Variants in ARL8B observed in about 807,000 individuals in gnomAD.
ARL8B encodes the protein ADP-ribosylation factor-like protein 8B.
ARL8B carries 9 observed loss-of-function variants against 30.6 expected under a neutral mutation model. The observed-to-expected ratio is 0.29, with a 90% CI of 0.18 to 0.51. The LOEUF (loss-of-function observed/expected upper bound fraction) is 0.51, where lower values mean the gene tolerates loss of function less well. Among genes scored for constraint, ARL8B ranks in the 20% least tolerant of loss-of-function variants. The pLI is 0.97. For synonymous variants in ARL8B, 74 were observed against 76.0 expected (o/e 0.97, Z 0.14); for missense variants, 130 against 227.2 (o/e 0.57, Z 2.75).
intron 1 of ARL8B, among the ~76,000 whole-genome samples, chr3:5,135,690 G>A (rs564687109): frequency 2.6e-5 from 4 of 151,630 alleles, no homozygotes; most frequent in Middle Eastern, 3.4e-3. Context: ...AACTCCTGAC[G>A]TTGTGATCTG....
chr3:5,163,096 T>A (rs2054595821), intron 1 of ARL8B, among the ~76,000 whole-genome samples: 1 of 151,716 alleles, frequency 6.6e-6, no homozygotes, highest in African/African-American at 2.4e-5. Context: ...GAAGTGATTC[T>A]CCTACCTCCA....
chr3:5,141,856 A>G (rs948942035), intron 1 of ARL8B, among the ~76,000 whole-genome samples: 1 of 152,210 alleles, frequency 6.6e-6, no homozygotes, highest in African/African-American at 2.4e-5. Flanking sequence ...AGTATAATTG[A>G]TGAATCTTTG....
chr3:5,157,354 T>C (rs1023596714), intron 1 of ARL8B, among the ~76,000 whole-genome samples: 2 of 152,186 alleles, frequency 1.3e-5, no homozygotes, highest in African/African-American at 4.8e-5. Flanking sequence ...TGAGTTTCCT[T>C]GATACTGTCT....
At position 5,126,818 on chromosome 3, in the gene ARL8B, T is replaced by C. The variant is rs376588515; in HGVS notation, c.123+4230T>C. Among the ~76,000 whole-genome samples the C allele has an allele frequency of 5.3e-5, 8 of 152,344 alleles. No individual in the cohort carries two copies. In the East Asian group the frequency reaches 1.2e-3, roughly 22 times the overall value. The stretch of plus-strand genomic sequence containing the variant: ...CCATTGCTAACTGTTCTGGCAGTTA[T>C]TGCACAATAAGTCATGTGCCTATAT... On this transcript the variant is annotated intron_variant, in intron 1 of 6. Transcript: ENST00000256496.
At chr3:5,171,667 A>C (rs572476918) in intron 2 of ARL8B, among the ~76,000 whole-genome samples, 1 of 152,340 alleles carries the variant, frequency 6.6e-6, no homozygotes, top group African/African-American at 2.4e-5. Context: ...TTATACAAGA[A>C]AAACACCTAT....
In ARL8B at chr3:5,180,842, AATCAG is replaced by A. The variant is rs2054772048; in HGVS notation, c.*2135_*2139del. 6.6e-6 allele frequency: 1 copy of A among 152,614 alleles called. No homozygotes were observed. The highest frequency in any genetic ancestry group is 2.4e-5 in the African/African-American group (1 of 41,422). The allele number at this position is 152,614 out of a possible 1,614,324, so 9.5% of individuals were successfully genotyped here. On this transcript the variant is annotated 3_prime_UTR_variant, in exon 7 of 7. Transcript: ENST00000256496. ...GAGGGTCTATAGACCATTTGTCAGA[AATCAG>A]ATCAGCCCTCAAAGAATGGGGTCTG...
chr3:5,151,723 C>G (rs1156361862), intron 1 of ARL8B, among the ~76,000 whole-genome samples: 2 of 118,778 alleles, frequency 1.7e-5, no homozygotes, highest in East Asian at 2.4e-4. Context: ...CTCCCCCCAC[C>G]CCCCCCCTTG....
chr3:5,123,023 G>A (rs935034774), intron 1 of ARL8B, among the ~76,000 whole-genome samples: 33 of 152,156 alleles, frequency 2.2e-4, no homozygotes, highest in Non-Finnish European at 8.8e-5. Flanking sequence ...AGCATTAAGA[G>A]CCTCTCTTAA....
At chr3:5,158,173 A>G (rs60724392) in intron 1 of ARL8B, among the ~76,000 whole-genome samples, 57,148 of 151,918 alleles carry the variant, frequency 0.38, 11,941 homozygotes, top group African/African-American at 0.58. Flanking sequence ...TAGTAGAGGT[A>G]GGGTTTCACT....
intron 1 of ARL8B, among the ~76,000 whole-genome samples, chr3:5,129,287 G>GC (rs1326053917): frequency 3.9e-5 from 6 of 152,178 alleles, no homozygotes; most frequent in African/African-American, 1.4e-4. Flanking sequence ...CAATTCTCCT[G>GC]CCTCAGCTTC....
At chr3:5,123,088 C>T (rs1328676994) in intron 1 of ARL8B, among the ~76,000 whole-genome samples, 1 of 152,162 alleles carries the variant, frequency 6.6e-6, no homozygotes, top group East Asian at 1.9e-4. Flanking sequence ...AGTGTGAGCG[C>T]CTTCCTGAAT....
chr3:5,136,458 A>C (rs2054326557), intron 1 of ARL8B, among the ~76,000 whole-genome samples: 1 of 152,128 alleles, frequency 6.6e-6, no homozygotes, highest in African/African-American at 2.4e-5. Flanking sequence ...ACTCCTGATA[A>C]ATCTAATTCT....
At chr3:5,173,284 C>A (rs1263536870) in intron 4 of ARL8B, among the ~76,000 whole-genome samples, 1 of 152,104 alleles carries the variant, frequency 6.6e-6, no homozygotes, top group African/African-American at 2.4e-5. Context: ...AAGTGGGAAA[C>A]TGAGAAGAGG....
intron 1 of ARL8B, among the ~76,000 whole-genome samples, chr3:5,155,935 C>T (rs1400869435): frequency 1.3e-5 from 2 of 151,148 alleles, no homozygotes; most frequent in Non-Finnish European, 2.9e-5. Context: ...CAGGGTCTTG[C>T]TCTGTCACCT....
Position 5,136,318 on chromosome 3 carries a change from T to C in ARL8B, c.123+13730T>C, listed in dbSNP as rs915668139. ...TTATGTAAGATAAACAAAGATTAAG[T>C]GACACAGTTAATTGTCATTTGGGTC... On this transcript the variant is annotated intron_variant, in intron 1 of 6. Coordinates refer to ENST00000256496, the MANE Select transcript of ARL8B (RefSeq NM_018184.3). Among the ~76,000 whole-genome samples, 78 of 152,234 alleles carry C rather than the reference T, an allele frequency of 5.1e-4. 4 individuals are homozygous for C. The highest frequency in any genetic ancestry group is 1.5e-5 in the Non-Finnish European group (1 of 68,044).
At chr3:5,153,640 T>A (rs974338407) in intron 1 of ARL8B, among the ~76,000 whole-genome samples, 1 of 151,900 alleles carries the variant, frequency 6.6e-6, no homozygotes, top group Non-Finnish European at 1.5e-5. Flanking sequence ...GAAAAAAAAA[T>A]TTTTTCCTTT....
At chr3:5,163,431 A>G (rs1363319487) in intron 1 of ARL8B, among the ~76,000 whole-genome samples, 1 of 152,182 alleles carries the variant, frequency 6.6e-6, no homozygotes, top group East Asian at 1.9e-4. Context: ...AAATTTGCAT[A>G]TAAAACAGAT....
At chr3:5,170,695 G>A in intron 2 of ARL8B, 112 bp downstream of exon 2, 1 of 674,784 alleles carries the variant, frequency 1.5e-6, no homozygotes, top group Non-Finnish European at 2.5e-6. Context: ...AGTAATGAAT[G>A]TGCATGTTTC....
At chr3:5,125,549 T>TC (rs1274184879) in intron 1 of ARL8B, among the ~76,000 whole-genome samples, 1 of 151,764 alleles carries the variant, frequency 6.6e-6, no homozygotes, top group African/African-American at 2.4e-5. Flanking sequence ...TTTTTTTTTT[T>TC]TGAGACGGAG....
Sources: allele counts gnomAD v4.1 joint callset (sites outside exome capture counted in the v4.1 genomes callset), GRCh38; gene constraint gnomAD v4.1.1; transcripts MANE v1.5; gene names NCBI Gene and HGNC (gene_info 2026-07-23, HGNC 2026-07-21).